The following LRRC37A2 variants were observed in gnomAD, a reference collection of about 807,000 sequenced individuals.
LRRC37A2 encodes leucine-rich repeat-containing protein 37A2.
In LRRC37A2, 9 loss-of-function variants were observed where a neutral mutation model predicts 68.8. The observed-to-expected ratio is 0.13, with a 90% confidence interval of 0.08 to 0.23. The LOEUF (loss-of-function observed/expected upper bound fraction) is 0.23. LRRC37A2 is among the 10% of genes least tolerant of loss of function. The pLI, the probability that LRRC37A2 is intolerant of heterozygous loss-of-function variation, is 1.00. For synonymous variants in LRRC37A2, 63 were observed against 367.6 expected, an observed-to-expected ratio of 0.17 and a Z score of 9.48; for missense variants, 168 against 950.4, an observed-to-expected ratio of 0.18 and a Z score of 10.82.
At chr17:46,739,213 A>T in the LRRC37A2 span, among the ~76,000 whole-genome samples, 8 of 152,110 alleles carry the variant, frequency 5.3e-5, no homozygotes, top group Admixed American at 5.2e-4. Context: ...TCTACTAAAA[A>T]TACAAAAATT....
At chr17:47,002,062 G>C in the LRRC37A2 span, among the ~76,000 whole-genome samples, 39 of 152,026 alleles carry the variant, frequency 2.6e-4, no homozygotes, top group African/African-American at 9.2e-4. Context: ...TGTCATCATA[G>C]GTTAGTTTAT....
chr17:47,013,791 A>G, the LRRC37A2 span, among the ~76,000 whole-genome samples: 1 of 152,256 alleles, frequency 6.6e-6, no homozygotes, highest in Non-Finnish European at 1.5e-5. Flanking sequence ...TAAATATCAG[A>G]TGGGAAAAAG....
the LRRC37A2 span, among the ~76,000 whole-genome samples, chr17:46,499,230 T>TGAACCTGGGAG: frequency 7.4e-6 from 1 of 135,080 alleles, no homozygotes; most frequent in Non-Finnish European, 1.5e-5. Flanking sequence ...GCGAGTGGCT[T>TGAACCTGGGAG]GAACCTGGGA....
chr17:46,813,713 T>G, the LRRC37A2 span, among the ~76,000 whole-genome samples: 1 of 152,182 alleles, frequency 6.6e-6, no homozygotes, highest in African/African-American at 2.4e-5. Context: ...TCACCTTTCC[T>G]GTGCCATCCC....
the LRRC37A2 span, among the ~76,000 whole-genome samples, chr17:46,750,562 T>C: frequency 1.3e-5 from 2 of 152,210 alleles, no homozygotes; most frequent in Non-Finnish European, 2.9e-5. Context: ...ATACTCAACC[T>C]GTACCTCCAG....
chr17:46,982,994 G>A, the LRRC37A2 span, among the ~76,000 whole-genome samples: 1 of 152,198 alleles, frequency 6.6e-6, no homozygotes, highest in Non-Finnish European at 1.5e-5. Flanking sequence ...TTGGTTAGGG[G>A]AGCATATTTG....
chr17:46,559,061 GC>G (rs2057466370), downstream of LRRC37A2: 1 of 79,548 alleles, frequency 1.3e-5, no homozygotes, highest in Non-Finnish European at 2.2e-5. Flanking sequence ...GGCATCTTCA[GC>G]TGGAGGTGAG....
At chr17:46,782,658 C>T in the LRRC37A2 span, among the ~76,000 whole-genome samples, 2 of 152,294 alleles carry the variant, frequency 1.3e-5, no homozygotes, top group East Asian at 3.9e-4. Flanking sequence ...GTGTGCACAC[C>T]GTGGGGCTGG....
chr17:46,743,490 A>T, the LRRC37A2 span, among the ~76,000 whole-genome samples: 1 of 152,298 alleles, frequency 6.6e-6, no homozygotes, highest in East Asian at 1.9e-4. Context: ...TGAGGAGGAG[A>T]TAGATGCTGA....
the LRRC37A2 span, among the ~76,000 whole-genome samples, chr17:46,942,946 C>T: frequency 6.6e-6 from 1 of 152,168 alleles, no homozygotes; most frequent in African/African-American, 2.4e-5. Context: ...TCCCCATGTC[C>T]CTCTAGTACA....
the LRRC37A2 span, chr17:46,768,522 T>A: frequency 6.2e-7 from 1 of 1,614,168 alleles, no homozygotes; most frequent in Non-Finnish European, 8.5e-7. The surrounding 1 kb of genome is among the most constrained non-coding windows in gnomAD (Gnocchi z 5.0). Flanking sequence ...GGAACCCGTC[T>A]CTGGGTTGGG....
chr17:46,493,003 T>G, the LRRC37A2 span, among the ~76,000 whole-genome samples: 1 of 146,226 alleles, frequency 6.8e-6, no homozygotes, highest in East Asian at 2.0e-4. Context: ...CTCAAGTTTT[T>G]TTTTTTTTTT....
chr17:46,985,036 A>T, the LRRC37A2 span, among the ~76,000 whole-genome samples: 106,190 of 151,806 alleles, frequency 0.7, 37,752 homozygotes, highest in Middle Eastern at 0.78. Flanking sequence ...GGGCAAAGGT[A>T]GCCTGCTGCC....
At chr17:46,900,164 T>C in the LRRC37A2 span, among the ~76,000 whole-genome samples, 1,529 of 17,966 alleles carry the variant, frequency 0.085, 18 homozygotes, top group Admixed American at 0.14. Flanking sequence ...TATATATACA[T>C]ATACATATAT....
chr17:46,667,592 C>G, the LRRC37A2 span, among the ~76,000 whole-genome samples: 1 of 140,724 alleles, frequency 7.1e-6, no homozygotes, highest in South Asian at 2.2e-4. Flanking sequence ...TTGAGAACCA[C>G]TGACTAGAAA....
At chr17:47,028,519 C>T in the LRRC37A2 span, among the ~76,000 whole-genome samples, 1 of 152,134 alleles carries the variant, frequency 6.6e-6, no homozygotes, top group African/African-American at 2.4e-5. Flanking sequence ...TACAAAGAGG[C>T]CAAGAGACTT....
the LRRC37A2 span, among the ~76,000 whole-genome samples, chr17:46,721,358 A>T: frequency 3.3e-5 from 5 of 149,606 alleles, no homozygotes; most frequent in Non-Finnish European, 7.4e-5. Context: ...TTCATGAGAC[A>T]CAGGCTGACT....
the LRRC37A2 span, among the ~76,000 whole-genome samples, chr17:46,598,869 TC>T: frequency 2.7e-5 from 4 of 146,444 alleles, no homozygotes; most frequent in Non-Finnish European, 6.0e-5. Context: ...GTAGTCCATT[TC>T]CTGAATGAAA....
the LRRC37A2 span, chr17:47,019,927 T>C: frequency 2.8e-6 from 2 of 702,820 alleles, no homozygotes; most frequent in Admixed American, 2.3e-5. Flanking sequence ...GCTTTCACCT[T>C]TGCTTGTCAA....
Sources: gnomAD v4.1 joint callset for allele counts (sites outside exome capture counted in the v4.1 genomes callset) on GRCh38, gnomAD v4.1.1 for gene constraint, Gnocchi (gnomAD v3.1) non-coding constraint, MANE v1.5 for transcripts, NCBI Gene and HGNC (gene_info 2026-07-23, HGNC 2026-07-21) for gene names.